GADL1: variants seen among roughly 807,000 people sequenced by gnomAD.
GADL1 encodes acidic amino acid decarboxylase GADL1.
A neutral mutation model predicts 69.5 loss-of-function variants in GADL1; 71 were observed. That is an observed-to-expected ratio of 1.02 (90% confidence interval 0.84 to 1.25). The LOEUF (loss-of-function observed/expected upper bound fraction) is 1.25. GADL1 is among the 50% of genes most tolerant of loss of function. The pLI is 0.00. For missense variants in GADL1, 737 were observed against 631.8 expected (o/e 1.17, Z -1.79); for synonymous variants, 254 against 214.4 (o/e 1.18, Z -1.62).
chr3:30,836,393 T>C (rs1697873705), intron 9 of GADL1, among the ~76,000 whole-genome samples: 1 of 102,304 alleles, frequency 9.8e-6, no homozygotes, highest in East Asian at 3.1e-4. Context: ...ATAAATTTAT[T>C]CCTTAAAAAA....
intron 14 of GADL1, among the ~76,000 whole-genome samples, chr3:30,733,000 A>G (rs1020601894): frequency 6.6e-6 from 1 of 152,114 alleles, no homozygotes; most frequent in Non-Finnish European, 1.5e-5. Context: ...AGATCACTCC[A>G]CTGCATTCCA....
At chr3:30,775,255 T>A (rs1696509035) in intron 14 of GADL1, among the ~76,000 whole-genome samples, 1 of 152,198 alleles carries the variant, frequency 6.6e-6, no homozygotes, top group Non-Finnish European at 1.5e-5. Context: ...AATGGAAGAT[T>A]TATCGCACCA....
At chr3:30,829,965 T>C (rs1315075957) in intron 11 of GADL1, among the ~76,000 whole-genome samples, 6 of 151,896 alleles carry the variant, frequency 4.0e-5, no homozygotes, top group Admixed American at 3.9e-4. Flanking sequence ...CAGTTTATCT[T>C]GGTAAGTCTG....
At chr3:30,884,644 A>C (rs1698680629) in intron 1 of GADL1, among the ~76,000 whole-genome samples, 1 of 152,054 alleles carries the variant, frequency 6.6e-6, no homozygotes, top group Non-Finnish European at 1.5e-5. Flanking sequence ...CAGTTACACT[A>C]TATTACGAGT....
At chr3:30,876,463 G>A (rs144619147) in intron 1 of GADL1, among the ~76,000 whole-genome samples, 1 of 151,998 alleles carries the variant, frequency 6.6e-6, no homozygotes, top group Admixed American at 6.6e-5. Context: ...TTTAAAACTG[G>A]CTCACAACAT....
intron 1 of GADL1, 21 bp from the exon 2 acceptor site, chr3:30,861,786 T>G: frequency 6.6e-7 from 1 of 1,517,854 alleles, no homozygotes; most frequent in Non-Finnish European, 8.9e-7. Context: ...GCAAACAAAT[T>G]GTGTTTGAGA....
chr3:30,764,282 AG>A lies in GADL1; in HGVS notation c.1392+13896del, dbSNP rs539418218. On this transcript the variant is annotated intron_variant, in intron 14 of 14. Transcript: ENST00000282538. ...TCAAATTTGTAAGAAGATACACAGT[AG>A]AAACTAATTTCTAAGACATGATCTG... 2.2e-4 allele frequency among the ~76,000 whole-genome samples: 34 copies of A among 152,330 alleles called. 1 individual carries two copies. In the South Asian group the frequency reaches 6.6e-3, roughly 30 times the overall value.
chr3:30,756,614 ACTTC>A (rs1224659482), intron 14 of GADL1, among the ~76,000 whole-genome samples: 1 of 152,162 alleles, frequency 6.6e-6, no homozygotes, highest in Non-Finnish European at 1.5e-5. Flanking sequence ...CCTCAAGGTA[ACTTC>A]CTTTGCAAAT....
At chr3:30,876,874 T>C (rs554273900) in intron 1 of GADL1, among the ~76,000 whole-genome samples, 1 of 152,050 alleles carries the variant, frequency 6.6e-6, no homozygotes, top group East Asian at 1.9e-4. Flanking sequence ...AAGCTTTAGT[T>C]ACCCACAGTG....
At chr3:30,748,840 T>C (rs1038068764) in intron 14 of GADL1, among the ~76,000 whole-genome samples, 3 of 152,192 alleles carry the variant, frequency 2.0e-5, no homozygotes, top group African/African-American at 7.2e-5. Flanking sequence ...GTGTCCTCAA[T>C]TTATTTATTT....
chr3:30,761,234 G>A (rs1318503509), intron 14 of GADL1, among the ~76,000 whole-genome samples: 7 of 151,498 alleles, frequency 4.6e-5, no homozygotes, highest in African/African-American at 1.7e-4. Flanking sequence ...ATGTTCTATC[G>A]TGGATAGCAA....
chr3:30,804,332 C>T (rs59996437), intron 11 of GADL1, among the ~76,000 whole-genome samples: 9,102 of 152,098 alleles, frequency 0.06, 644 homozygotes, highest in African/African-American at 0.16. Context: ...GGAGAGGAGG[C>T]TCTGTTTGAA....
chr3:30,761,077 G>A (rs1379808319), intron 14 of GADL1, among the ~76,000 whole-genome samples: 4 of 152,162 alleles, frequency 2.6e-5, no homozygotes. Context: ...ATGGAAAAAA[G>A]CTATCGGGTT....
At chr3:30,832,083 G>C (rs940273559) in intron 11 of GADL1, among the ~76,000 whole-genome samples, 1 of 151,848 alleles carries the variant, frequency 6.6e-6, no homozygotes, top group East Asian at 1.9e-4. Context: ...GAGAGTAACA[G>C]AGGCAGAAAC....
chr3:30,821,142 G>A (rs995905485), intron 11 of GADL1, among the ~76,000 whole-genome samples: 3 of 152,048 alleles, frequency 2.0e-5, no homozygotes, highest in Non-Finnish European at 2.9e-5. Flanking sequence ...CATGGACACA[G>A]GAAGGGGAAC....
intron 14 of GADL1, among the ~76,000 whole-genome samples, chr3:30,755,842 G>A (rs1695957033): frequency 6.6e-6 from 1 of 151,206 alleles, no homozygotes; most frequent in African/African-American, 2.4e-5. Flanking sequence ...CCTACCAAGA[G>A]GTCATCATTT....
intron 2 of GADL1, among the ~76,000 whole-genome samples, chr3:30,861,304 G>C (rs1287791535): frequency 1.5e-5 from 2 of 134,438 alleles, no homozygotes; most frequent in Admixed American, 1.7e-4. Flanking sequence ...TATTATCTAG[G>C]GTGCAGGAAG....
intron 1 of GADL1, among the ~76,000 whole-genome samples, chr3:30,888,130 A>AT (rs1415266832): frequency 6.6e-6 from 1 of 152,008 alleles, no homozygotes; most frequent in Non-Finnish European, 1.5e-5. Flanking sequence ...TTTTATTTCT[A>AT]TTTTTTTAAA....
intron 3 of GADL1, 43 bp from the exon 4 acceptor site, chr3:30,854,832 A>G (rs1286870726): frequency 9.9e-7 from 1 of 1,011,076 alleles, no homozygotes; most frequent in Non-Finnish European, 1.5e-6. Flanking sequence ...AGCAATAAAA[A>G]AAAAAACTAC....
Sources: allele counts gnomAD v4.1 joint callset (sites outside exome capture counted in the v4.1 genomes callset), GRCh38; gene constraint gnomAD v4.1.1; transcripts MANE v1.5; gene names NCBI Gene and HGNC (gene_info 2026-07-23, HGNC 2026-07-21).